The following KLHL15 variants were observed in gnomAD, a reference collection of about 807,000 sequenced individuals.
KLHL15 encodes the protein kelch like family member 15.
In KLHL15, 1 loss-of-function variant was observed where a neutral mutation model predicts 29.3. That is an observed-to-expected ratio of 0.03 (90% CI 0.01 to 0.16). The LOEUF (loss-of-function observed/expected upper bound fraction) is 0.16. Ranked by LOEUF, KLHL15 falls within the 10% of genes least tolerant of loss-of-function variation. The pLI, the probability that KLHL15 is intolerant of heterozygous loss-of-function variation, is 1.00. For missense variants in KLHL15, 215 were observed against 478.5 expected (o/e 0.45, Z 5.14); for synonymous variants, 212 against 184.5 (o/e 1.15, Z -1.21).
In KLHL15 at chrX:24,006,647, C is replaced by T; in HGVS notation, c.47G>A (p.Ser16Asn). ...CAGTGCTCTGAACCCAGCAGAGACACTGGTGTCGTGGATGGAGGAACAGAA... is the reference window on the plus strand; with the variant it reads ...CAGTGCTCTGAACCCAGCAGAGACATTGGTGTCGTGGATGGAGGAACAGAA... ...EGFCSSIHDT[S>N]VSAGFRALYE... is the part of the protein sequence containing the mutation. The change falls in exon 3 of 4, where the codon AGT becomes AAT. Residue 16 changes from serine (S) to asparagine (N), a missense_variant. Coordinates refer to ENST00000328046, the MANE Select transcript of KLHL15 (RefSeq NM_030624.3). 1 of 1,209,990 alleles carries T rather than the reference C, an allele frequency of 8.3e-7. No homozygotes were observed. The highest frequency in any genetic ancestry group is 3.0e-5 in the East Asian group (1 of 33,813).
rs747404400 is a variant in KLHL15, at chrX:24,006,000, C to T, written c.694G>A (p.Val232Ile). The T allele has an allele frequency of 5.8e-6, 7 of 1,206,231 alleles. No homozygotes were observed. Among genetic ancestry groups the T allele is most frequent in the South Asian group, 1.8e-5 (1 of 56,333 alleles). ...IRFCLMTPTS[V>I]FEKVKTSEFY... ...TCAAATGCACTAACCTTCTCAAAAA[C>T]GCTGGTTGGGGTCATCAAGCAAAAC... is the stretch of plus-strand genomic sequence containing the variant. Residue 232 changes from valine (V) to isoleucine (I), a missense_variant, in exon 3 of 4, where the codon GTT (valine) becomes ATT (isoleucine). Physicochemically the swap from Val to Ile is conservative, Grantham distance 29. Coordinates refer to ENST00000328046, the MANE Select transcript of KLHL15 (RefSeq NM_030624.3).
chrX:23,989,525 A>G (rs1255539372), intron 3 of KLHL15, among the ~76,000 whole-genome samples: 1 of 111,356 alleles, frequency 9.0e-6, no homozygotes, highest in Non-Finnish European at 1.9e-5. Flanking sequence ...CAAGCTTTTA[A>G]GAGTAAACAA....
intron 3 of KLHL15, among the ~76,000 whole-genome samples, chrX:23,993,613 G>T (rs1929127899): frequency 9.0e-6 from 1 of 111,015 alleles, no homozygotes; most frequent in Non-Finnish European, 1.9e-5. Context: ...TGGAAGTTCA[G>T]TTTTTATCAG....
Position 23,993,722 on chromosome X carries a change from CTAAAT to C in KLHL15, c.706-4697_706-4693del, listed in dbSNP as rs1929129701. Among the ~76,000 whole-genome samples the C allele has an allele frequency of 7.3e-5, 8 of 109,583 alleles. No individual in the cohort carries two copies. In the South Asian group the frequency reaches 2.8e-3, roughly 38 times the overall value. On this transcript the variant is annotated intron_variant, in intron 3 of 3. Coordinates refer to ENST00000328046, the MANE Select transcript of KLHL15 (RefSeq NM_030624.3). ...GCAGCTGTAGGAACAAAACTGTAAA[CTAAAT>C]TAAAAGGACAGACAATCCTGGTCGG...
intron 2 of KLHL15, among the ~76,000 whole-genome samples, chrX:24,020,343 T>A (rs185384580): frequency 2.4e-4 from 27 of 112,442 alleles, no homozygotes; most frequent in Admixed American, 1.7e-3. Flanking sequence ...TTACTCTCAA[T>A]ACACTACTCA....
At chrX:24,026,739 C>A (rs1281196167) in intron 1 of KLHL15, among the ~76,000 whole-genome samples, 1 of 111,718 alleles carries the variant, frequency 9.0e-6, no homozygotes, top group African/African-American at 3.3e-5. Context: ...TAGACTACTT[C>A]GTGGGAGAGA....
At chrX:24,008,305 A>G (rs920265136) in intron 2 of KLHL15, among the ~76,000 whole-genome samples, 1 of 111,972 alleles carries the variant, frequency 8.9e-6, no homozygotes, top group African/African-American at 3.2e-5. Flanking sequence ...CAGTGGCACA[A>G]TCTCGGCTCA....
intron 2 of KLHL15, among the ~76,000 whole-genome samples, chrX:24,019,567 T>C (rs1288455758): frequency 1.8e-5 from 2 of 111,047 alleles, no homozygotes; most frequent in Non-Finnish European, 3.8e-5. Flanking sequence ...CCACTAATTT[T>C]TAAGAGTACA....
chrX:23,989,331 C>G (rs1198813266), intron 3 of KLHL15, among the ~76,000 whole-genome samples: 1 of 109,603 alleles, frequency 9.1e-6, no homozygotes, highest in Non-Finnish European at 1.9e-5. Flanking sequence ...CCTGCCACCA[C>G]GCGCCCAGCT....
intron 3 of KLHL15, among the ~76,000 whole-genome samples, chrX:24,002,668 G>A: frequency 9.6e-6 from 1 of 104,658 alleles, no homozygotes; most frequent in Admixed American, 1.1e-4. Flanking sequence ...CACTTTTATC[G>A]CCCAGCTGGA....
chrX:24,017,779 CAAAAAAAAAAA>C (rs531099917), intron 2 of KLHL15, among the ~76,000 whole-genome samples: 3 of 42,526 alleles, frequency 7.1e-5, no homozygotes, highest in Non-Finnish European at 8.8e-5. Context: ...GACCATGTCC[CAAAAAAAAAAA>C]AAAAAAAAAA....
rs1928988699 is a variant in KLHL15 at position 23,986,513 on chromosome X, T to C, written c.*1408A>G. 8.9e-6 allele frequency: 1 copy of C among 112,082 alleles called. No individual in the cohort carries two copies. Among genetic ancestry groups the C allele is most frequent in the African/African-American group, 3.2e-5 (1 of 30,897 alleles). The allele number at this position is 112,082 out of a possible 1,213,427, so 9.2% of individuals were successfully genotyped here. A position where few individuals can be genotyped will look rare whatever the true frequency, so the allele number is the denominator to read the frequency against. On this transcript the variant is annotated 3_prime_UTR_variant, in exon 4 of 4. Coordinates refer to ENST00000328046, the MANE Select transcript of KLHL15 (RefSeq NM_030624.3). ...TATTCTTGCTTAACTTTGTCAACTA[T>C]GTTTTTTCCTCTGCATTTAAAGAGT...
At chrX:23,990,286 T>C (rs754430177) in intron 3 of KLHL15, among the ~76,000 whole-genome samples, 73 of 111,490 alleles carry the variant, frequency 6.5e-4, no homozygotes, top group African/African-American at 2.3e-3. Context: ...AATTTACCAA[T>C]AGGTAAATGA....
chrX:24,008,865 G>A (rs1242910146), intron 2 of KLHL15, among the ~76,000 whole-genome samples: 1 of 77,885 alleles, frequency 1.3e-5, no homozygotes, highest in Non-Finnish European at 2.1e-5. Context: ...ACTCCCACGC[G>A]TGTTAGAAAA....
intron 2 of KLHL15, among the ~76,000 whole-genome samples, chrX:24,013,916 T>C (rs1221763282): frequency 9.0e-6 from 1 of 110,590 alleles, no homozygotes; most frequent in Non-Finnish European, 1.9e-5. Flanking sequence ...AAAATTTTGA[T>C]ACTATATATT....
At chrX:24,022,405 G>A (rs1929827757) in intron 2 of KLHL15, among the ~76,000 whole-genome samples, 1 of 45,446 alleles carries the variant, frequency 2.2e-5, no homozygotes, top group African/African-American at 1.9e-4. Flanking sequence ...AAGCCAAGGC[G>A]GGTAGATCAC....
chrX:24,008,871 G>GAAAAAA (rs58975658), intron 2 of KLHL15, among the ~76,000 whole-genome samples: 4 of 74,552 alleles, frequency 5.4e-5, no homozygotes, highest in African/African-American at 2.1e-4. Flanking sequence ...ACGCGTGTTA[G>GAAAAAA]AAAAAAAAAA....
chrX:24,013,869 AAC>A (rs1296686004), intron 2 of KLHL15, among the ~76,000 whole-genome samples: 6 of 110,726 alleles, frequency 5.4e-5, no homozygotes, highest in African/African-American at 2.0e-4. Flanking sequence ...AATAGAAAAA[AAC>A]AATTAGAATT....
rs775569198 is a variant in KLHL15 at position 24,006,608 on chromosome X, A to G, written c.86T>C (p.Leu29Ser). 9.9e-6 allele frequency: 12 copies of G among 1,211,315 alleles called. No homozygotes were observed. In the East Asian group the frequency reaches 3.5e-4, roughly 36 times the overall value. ...AATAACCAGAGTGACATCAAGAAGC[A>G]ATCCCTCCTCATACAGTGCTCTGAA... Reference protein sequence around the residue: ...AGFRALYEEGLLLDVTLVIED... With the variant: ...AGFRALYEEGSLLDVTLVIED... Residue 29 changes from leucine to serine, a missense_variant, in exon 3 of 4, where the codon TTG becomes TCG. Transcript: ENST00000328046.
Sources: gnomAD v4.1 joint callset for allele counts (sites outside exome capture counted in the v4.1 genomes callset) on GRCh38, gnomAD v4.1.1 for gene constraint, MANE v1.5 for transcripts, NCBI Gene and HGNC (gene_info 2026-07-23, HGNC 2026-07-21) for gene names.